SEMA6D: variants seen among roughly 807,000 people sequenced by gnomAD.
SEMA6D encodes semaphorin-6D.
Under a neutral mutation model 106.6 loss-of-function variants are expected in SEMA6D, and 35 were observed. The observed-to-expected ratio is 0.33, with a 90% CI of 0.25 to 0.44. SEMA6D has a LOEUF of 0.44. SEMA6D is among the 20% of genes least tolerant of loss of function. SEMA6D has a pLI of 1.00. For synonymous variants in SEMA6D, 499 were observed against 487.7 expected (o/e 1.02, Z -0.31); for missense variants, 1,185 against 1,345.9 (o/e 0.88, Z 1.87).
chr15:47,540,032 T>G (rs1381851624), intron 3 of SEMA6D, among the ~76,000 whole-genome samples: 1 of 139,160 alleles, frequency 7.2e-6, no homozygotes, highest in Non-Finnish European at 1.5e-5. Flanking sequence ...TTTGAAAGAC[T>G]TTTATATTTA....
chr15:47,531,972 A>G (rs72733856), intron 3 of SEMA6D, among the ~76,000 whole-genome samples: 19,191 of 152,148 alleles, frequency 0.13, 2,110 homozygotes, highest in African/African-American at 0.3. Flanking sequence ...TTACTTTTGC[A>G]CCAGTCTAAT....
chr15:47,724,671 G>T (rs753886246), intron 1 of SEMA6D, among the ~76,000 whole-genome samples: 1 of 152,170 alleles, frequency 6.6e-6, no homozygotes, highest in Non-Finnish European at 1.5e-5. Flanking sequence ...TAGATCAGTT[G>T]TCCATATTTA....
At chr15:47,736,304 TAAGAG>T (rs1383248434) in intron 1 of SEMA6D, among the ~76,000 whole-genome samples, 1 of 152,208 alleles carries the variant, frequency 6.6e-6, no homozygotes, top group Non-Finnish European at 1.5e-5. Context: ...GCCACAGAGA[TAAGAG>T]AAGTCTGACT....
chr15:47,481,140 A>G (rs2043142679), intron 3 of SEMA6D, among the ~76,000 whole-genome samples: 1 of 152,148 alleles, frequency 6.6e-6, no homozygotes, highest in African/African-American at 2.4e-5. Context: ...TGGCTCTGTA[A>G]GGGCTCAGAT....
chr15:47,335,165 G>A (rs918974859), intron 1 of SEMA6D, among the ~76,000 whole-genome samples: 1 of 152,078 alleles, frequency 6.6e-6, no homozygotes, highest in Non-Finnish European at 1.5e-5. Flanking sequence ...AGAGGGTATA[G>A]TGTAAAGGAA....
At chr15:47,502,442 C>G (rs749366451) in intron 3 of SEMA6D, among the ~76,000 whole-genome samples, 1 of 152,116 alleles carries the variant, frequency 6.6e-6, no homozygotes, top group Non-Finnish European at 1.5e-5. Flanking sequence ...TGGTCCTGCC[C>G]CCTAAATGAA....
intron 2 of SEMA6D, among the ~76,000 whole-genome samples, chr15:47,447,752 G>A (rs569511575): frequency 7.9e-5 from 12 of 152,262 alleles, no homozygotes; most frequent in African/African-American, 2.6e-4. Flanking sequence ...TTGCTGATTG[G>A]TTAGGAGCAC....
At chr15:47,498,567 A>C (rs1368270708) in intron 3 of SEMA6D, among the ~76,000 whole-genome samples, 2 of 152,156 alleles carry the variant, frequency 1.3e-5, no homozygotes, top group African/African-American at 4.8e-5. Context: ...AGGAGATAAT[A>C]TTGTGAATTA....
chr15:47,721,516 C>T (rs1439320), intron 1 of SEMA6D, among the ~76,000 whole-genome samples: 2 of 151,994 alleles, frequency 1.3e-5, no homozygotes, highest in East Asian at 3.9e-4. Flanking sequence ...CCATGACACA[C>T]GGAGAGAATA....
chr15:47,369,980 G>A (rs2039209213), intron 1 of SEMA6D, among the ~76,000 whole-genome samples: 1 of 152,164 alleles, frequency 6.6e-6, no homozygotes, highest in Non-Finnish European at 1.5e-5. Flanking sequence ...CCATTTTGCA[G>A]ATGAAAAAAC....
intron 1 of SEMA6D, among the ~76,000 whole-genome samples, chr15:47,741,682 C>T (rs1658162774): frequency 6.6e-6 from 1 of 151,952 alleles, no homozygotes; most frequent in Non-Finnish European, 1.5e-5. Flanking sequence ...CCATTGCGCT[C>T]CAGCCTGGGC....
chr15:47,211,939 T>C (rs1329987198), intron 1 of SEMA6D, among the ~76,000 whole-genome samples: 1 of 152,064 alleles, frequency 6.6e-6, no homozygotes, highest in Non-Finnish European at 1.5e-5. Context: ...GTCAAGTCTT[T>C]ATTACTCCCT....
chr15:47,213,185 C>T (rs1405594859), intron 1 of SEMA6D, among the ~76,000 whole-genome samples: 1 of 152,142 alleles, frequency 6.6e-6, no homozygotes. Context: ...TTCTAGTGCT[C>T]AATAGCCATG....
At chr15:47,598,286 G>A (rs1361085758) in intron 3 of SEMA6D, among the ~76,000 whole-genome samples, 2 of 152,098 alleles carry the variant, frequency 1.3e-5, no homozygotes, top group East Asian at 1.9e-4. Context: ...TATAATTGGA[G>A]GTTGAAAGAT....
At chr15:47,750,725 A>T (rs2147318562) in intron 1 of SEMA6D, among the ~76,000 whole-genome samples, 1 of 152,352 alleles carries the variant, frequency 6.6e-6, no homozygotes, top group Admixed American at 6.5e-5. Flanking sequence ...CAGTGCTAGA[A>T]GCCTCTTCCT....
intron 4 of SEMA6D, among the ~76,000 whole-genome samples, chr15:47,627,708 A>C (rs1288273051): frequency 6.6e-6 from 1 of 152,142 alleles, no homozygotes; most frequent in African/African-American, 2.4e-5. Flanking sequence ...CACTTTACCC[A>C]GTTTCCTTTA....
rs1567062713 is a variant in SEMA6D at position 47,413,881 on chromosome 15, T to C, written c.-159+1409T>C. ...CAAAATGTGACTTTGAACAGCCTGA[T>C]TTGCTCATTCTTGTATACTGACCAT... On this transcript the variant is annotated intron_variant, in intron 2 of 19. Coordinates refer to the SEMA6D transcript ENST00000558014. Among the ~76,000 whole-genome samples the C allele has an allele frequency of 1.3e-5, 2 of 152,208 alleles. 1 individual carries two copies. The highest frequency in any genetic ancestry group is 4.1e-4 in the South Asian group (2 of 4,832).
At chr15:47,528,625 T>C (rs2044842307) in intron 3 of SEMA6D, among the ~76,000 whole-genome samples, 1 of 152,240 alleles carries the variant, frequency 6.6e-6, no homozygotes, top group African/African-American at 2.4e-5. Context: ...CCCACCACCA[T>C]GTAGCAGGAT....
intron 1 of SEMA6D, among the ~76,000 whole-genome samples, chr15:47,734,649 C>T (rs2080340980): frequency 6.6e-6 from 1 of 152,116 alleles, no homozygotes; most frequent in Non-Finnish European, 1.5e-5. Flanking sequence ...TTGGTTTTCT[C>T]AGCTGTAAAC....
Sources: gnomAD v4.1 joint callset for allele counts (sites outside exome capture counted in the v4.1 genomes callset) on GRCh38, gnomAD v4.1.1 for gene constraint, MANE v1.5 for transcripts, NCBI Gene and HGNC (gene_info 2026-07-23, HGNC 2026-07-21) for gene names.